The following DSCAML1 variants were observed in gnomAD, a reference collection of about 807,000 sequenced individuals.
The protein encoded by DSCAML1 is DS cell adhesion molecule like 1.
Under a neutral mutation model 200.5 loss-of-function variants are expected in DSCAML1, and 38 were observed. That is an observed-to-expected ratio of 0.19 (90% CI 0.15 to 0.25). The LOEUF (loss-of-function observed/expected upper bound fraction) is 0.25, where lower values mean the gene tolerates loss of function less well. Ranked by LOEUF, DSCAML1 falls within the 10% of genes least tolerant of loss-of-function variation. The probability of loss-of-function intolerance (pLI) is 1.00; values close to 1 mark genes in which losing one functional copy is unlikely to be tolerated. For synonymous variants in DSCAML1, 1,215 were observed against 1,165.0 expected, an observed-to-expected ratio of 1.04 and a Z score of -0.87; for missense variants, 2,223 against 2,858.8, an observed-to-expected ratio of 0.78 and a Z score of 5.07.
At chr11:117,553,299 A>T (rs1272145050) in intron 3 of DSCAML1, among the ~76,000 whole-genome samples, 24 of 152,260 alleles carry the variant, frequency 1.6e-4, no homozygotes, top group Admixed American at 1.6e-3. Flanking sequence ...CATCATCAAC[A>T]TGTAAAACTT....
At chr11:117,551,506 C>A (rs1222272559) in intron 3 of DSCAML1, among the ~76,000 whole-genome samples, 2 of 152,152 alleles carry the variant, frequency 1.3e-5, no homozygotes, top group Non-Finnish European at 2.9e-5. Flanking sequence ...ACTCTCCCTG[C>A]CTGCACCCTG....
intron 3 of DSCAML1, among the ~76,000 whole-genome samples, chr11:117,583,565 C>A (rs2051083212): frequency 6.6e-6 from 1 of 152,192 alleles, no homozygotes; most frequent in Non-Finnish European, 1.5e-5. Context: ...GTCCCTGCCA[C>A]AAGCGCCATT....
chr11:117,691,807 G>C (rs2053499699), intron 3 of DSCAML1, among the ~76,000 whole-genome samples: 2 of 152,206 alleles, frequency 1.3e-5, no homozygotes, highest in African/African-American at 4.8e-5. Context: ...CCCCAGGGGG[G>C]TTTTGCTCAC....
chr11:117,607,154 G>A (rs970365994), intron 3 of DSCAML1, among the ~76,000 whole-genome samples: 2 of 152,222 alleles, frequency 1.3e-5, no homozygotes, highest in Non-Finnish European at 2.9e-5. Context: ...CCTGCATGCG[G>A]CTATCCTCGA....
intron 3 of DSCAML1, among the ~76,000 whole-genome samples, chr11:117,771,956 T>A (rs2055046394): frequency 6.6e-6 from 1 of 152,098 alleles, no homozygotes; most frequent in South Asian, 2.1e-4. Flanking sequence ...GATACAGTTG[T>A]ACACCCTCCT....
chr11:117,779,657 G>A (rs1316176290), intron 2 of DSCAML1, among the ~76,000 whole-genome samples: 1 of 152,152 alleles, frequency 6.6e-6, no homozygotes, highest in Non-Finnish European at 1.5e-5. Flanking sequence ...GCAGAATGGT[G>A]AGCAAAAGGT....
At chr11:117,690,346 G>A (rs1445416428) in intron 3 of DSCAML1, among the ~76,000 whole-genome samples, 1 of 152,216 alleles carries the variant, frequency 6.6e-6, no homozygotes, top group Non-Finnish European at 1.5e-5. Context: ...TCCTGCCCCA[G>A]GAAGCTTAAA....
intron 1 of DSCAML1, among the ~76,000 whole-genome samples, chr11:117,787,434 C>T (rs907244163): frequency 6.6e-6 from 1 of 151,836 alleles, no homozygotes; most frequent in African/African-American, 2.4e-5. Flanking sequence ...TAATAATAAC[C>T]TAAAACCGTG....
chr11:117,723,687 T>A (rs1361755079), intron 3 of DSCAML1, among the ~76,000 whole-genome samples: 1 of 152,158 alleles, frequency 6.6e-6, no homozygotes, highest in Non-Finnish European at 1.5e-5. Context: ...CAGTCCCCTG[T>A]TTTTCCCCCT....
chr11:117,717,238 T>C (rs1464546788), intron 3 of DSCAML1, among the ~76,000 whole-genome samples: 1 of 152,182 alleles, frequency 6.6e-6, no homozygotes, highest in Non-Finnish European at 1.5e-5. Flanking sequence ...CTGGGGCTCC[T>C]GTGCCCACCC....
chr11:117,512,643 TACACACACACACACAC>T (rs71037481), intron 8 of DSCAML1, among the ~76,000 whole-genome samples: 34 of 125,240 alleles, frequency 2.7e-4, no homozygotes, highest in South Asian at 5.7e-4. Context: ...CAAGCGTGTG[TACACACACACACACAC>T]ACACACACAC....
intron 5 of DSCAML1, among the ~76,000 whole-genome samples, chr11:117,522,031 A>C (rs1414127167): frequency 6.6e-6 from 1 of 152,184 alleles, no homozygotes; most frequent in Non-Finnish European, 1.5e-5. Context: ...TCAAGGCCCT[A>C]AGGGCCTGAC....
rs180930709 is a variant in DSCAML1 at position 117,503,612 on chromosome 11, T to A, written c.2359+233A>T. ...TGCAGCAGAGCAAATCATGAGCTTATTGTGACCAGGGTGGGGTGAGTTGGG... is the reference window on the plus strand; with the variant it reads ...TGCAGCAGAGCAAATCATGAGCTTAATGTGACCAGGGTGGGGTGAGTTGGG... On this transcript the variant is annotated intron_variant, in intron 11 of 32. Coordinates refer to ENST00000651296, the MANE Select transcript of DSCAML1 (RefSeq NM_020693.4). The surrounding 1 kb of genome is among the most constrained non-coding windows in gnomAD (Gnocchi z 5.2). 1.1e-3 allele frequency among the ~76,000 whole-genome samples: 175 copies of A among 152,286 alleles called. 1 individual carries two copies. The highest frequency in any genetic ancestry group is 2.1e-3 in the Non-Finnish European group (140 of 68,014).
At position 117,518,351 on chromosome 11, in the gene DSCAML1, C is replaced by T. The variant is rs2049817216; in HGVS notation, c.1510+115G>A. 3.5e-6 allele frequency: 5 copies of T among 1,445,478 alleles called. No homozygotes were observed. The highest frequency in any genetic ancestry group is 4.8e-6 in the Non-Finnish European group (5 of 1,046,596). 89.5% of individuals were successfully genotyped at this position (1,445,478 alleles called of 1,614,324 possible). A position where few individuals can be genotyped will look rare whatever the true frequency, so the allele number is the denominator to read the frequency against. On this transcript the variant is annotated intron_variant, in intron 7 of 32. Coordinates refer to ENST00000651296, the MANE Select transcript of DSCAML1 (RefSeq NM_020693.4). The surrounding 1 kb of genome is among the most constrained non-coding windows in gnomAD (Gnocchi z 6.3). The stretch of plus-strand genomic sequence containing the variant: ...ACGAGAGAGGGGAGAGAGACCTCTA[C>T]TAAAATCAAAATGACGATTAATAAT...
chr11:117,456,355 A>G (rs188613877), intron 19 of DSCAML1, among the ~76,000 whole-genome samples: 24 of 152,360 alleles, frequency 1.6e-4, no homozygotes, highest in Admixed American at 3.9e-4. Flanking sequence ...TATTGCTGAA[A>G]TGTTTTTGCT....
At chr11:117,433,808 T>C (rs963513570) in intron 27 of DSCAML1, among the ~76,000 whole-genome samples, 6 of 152,184 alleles carry the variant, frequency 3.9e-5, no homozygotes, top group African/African-American at 1.4e-4. Flanking sequence ...AGGCTGGAAA[T>C]GGATATCAGT....
At chr11:117,653,146 A>G (rs1565852924) in intron 3 of DSCAML1, among the ~76,000 whole-genome samples, 1 of 152,140 alleles carries the variant, frequency 6.6e-6, no homozygotes, top group Non-Finnish European at 1.5e-5. Context: ...TGAGTTACCC[A>G]AAACAACAAG....
Position 117,593,914 on chromosome 11 carries a change from C to T in DSCAML1, c.512-61392G>A, listed in dbSNP as rs560275099. Among the ~76,000 whole-genome samples, 13 of 152,072 alleles carry T rather than the reference C, an allele frequency of 8.5e-5. No homozygotes were observed. In the East Asian group the frequency reaches 1.6e-3, roughly 18 times the overall value. On this transcript the variant is annotated intron_variant, in intron 3 of 32. Coordinates refer to ENST00000651296, the MANE Select transcript of DSCAML1 (RefSeq NM_020693.4). ...ATTTTTAGTAGAGACGGTGTTTCAC[C>T]GTGTTAGCCAGGATGGTCTCGATCT...
intron 3 of DSCAML1, among the ~76,000 whole-genome samples, chr11:117,559,130 A>AACAGACAGACAGAAAGAAAG (rs879310100): frequency 1.3e-5 from 2 of 151,828 alleles, no homozygotes; most frequent in Non-Finnish European, 2.9e-5. Flanking sequence ...AAGACAGAAA[A>AACAGACAGACAGAAAGAAAG]ACAGACACAA....
Sources: allele counts gnomAD v4.1 joint callset (sites outside exome capture counted in the v4.1 genomes callset), GRCh38; gene constraint gnomAD v4.1.1; non-coding constraint Gnocchi (gnomAD v3.1); transcripts MANE v1.5; gene names NCBI Gene and HGNC (gene_info 2026-07-23, HGNC 2026-07-21).